Variants in CGNL1 observed in about 807,000 individuals in gnomAD.
The protein encoded by CGNL1 is cingulin-like protein 1.
In CGNL1, 132 loss-of-function variants were observed where a neutral mutation model predicts 141.2. The observed-to-expected ratio is 0.93, with a 90% CI of 0.81 to 1.08. The LOEUF (loss-of-function observed/expected upper bound fraction) is 1.08. Ranked by LOEUF, CGNL1 falls within the 50% of genes least tolerant of loss-of-function variation. The pLI, the probability that CGNL1 is intolerant of heterozygous loss-of-function variation, is 0.00. For synonymous variants in CGNL1, 690 were observed against 622.1 expected (o/e 1.11, Z -1.63); for missense variants, 1,870 against 1,588.6 (o/e 1.18, Z -3.01).
intron 8 of CGNL1, among the ~76,000 whole-genome samples, chr15:57,479,533 G>A (rs565778293): frequency 3.2e-4 from 49 of 152,252 alleles, no homozygotes; most frequent in Middle Eastern, 6.8e-3. Context: ...GCATGGTGGT[G>A]CATGCTTGTA....
At chr15:57,467,345 T>G (rs757383945) in intron 8 of CGNL1, among the ~76,000 whole-genome samples, 1 of 152,050 alleles carries the variant, frequency 6.6e-6, no homozygotes, top group Non-Finnish European at 1.5e-5. Flanking sequence ...GGGGACAGTA[T>G]TTGAGTTGGA....
chr15:57,528,234 G>A (rs1453830476), intron 12 of CGNL1, among the ~76,000 whole-genome samples: 1 of 150,864 alleles, frequency 6.6e-6, no homozygotes, highest in East Asian at 1.9e-4. Flanking sequence ...ACCAGCCTGG[G>A]CAACAAAGCA....
intron 4 of CGNL1, among the ~76,000 whole-genome samples, chr15:57,447,464 G>A (rs1421784750): frequency 6.6e-6 from 1 of 152,132 alleles, no homozygotes; most frequent in Non-Finnish European, 1.5e-5. Context: ...GACCTCAGTT[G>A]GCTCCATTGG....
At chr15:57,498,865 G>A (rs1181754302) in intron 8 of CGNL1, among the ~76,000 whole-genome samples, 1 of 152,104 alleles carries the variant, frequency 6.6e-6, no homozygotes, top group African/African-American at 2.4e-5. Flanking sequence ...AGAAGGATGG[G>A]GTGGGTGAGG....
intron 4 of CGNL1, among the ~76,000 whole-genome samples, chr15:57,447,812 G>A (rs1012613045): frequency 4.4e-4 from 19 of 43,112 alleles, no homozygotes; most frequent in Non-Finnish European, 7.8e-4. Flanking sequence ...TTTCGTGTGT[G>A]TGTGTGTGTG....
intron 1 of CGNL1, among the ~76,000 whole-genome samples, chr15:57,432,271 C>T (rs1380802395): frequency 6.6e-6 from 1 of 152,172 alleles, no homozygotes; most frequent in African/African-American, 2.4e-5. Flanking sequence ...GCATGCAGGT[C>T]CTGGAGGTGC....
At chr15:57,510,150 C>T (rs1405461314) in intron 8 of CGNL1, among the ~76,000 whole-genome samples, 3 of 152,154 alleles carry the variant, frequency 2.0e-5, no homozygotes, top group East Asian at 3.9e-4. Context: ...GAACCACAGC[C>T]GGTAAGCTGT....
At chr15:57,501,703 C>T (rs972728662) in intron 8 of CGNL1, among the ~76,000 whole-genome samples, 1 of 152,102 alleles carries the variant, frequency 6.6e-6, no homozygotes. Context: ...AAGAGGTGAC[C>T]TCTAGGAGCC....
intron 8 of CGNL1, among the ~76,000 whole-genome samples, chr15:57,488,863 A>G (rs1182476024): frequency 6.6e-6 from 1 of 152,172 alleles, no homozygotes; most frequent in Non-Finnish European, 1.5e-5. Context: ...TAATCTACAA[A>G]CAGTATTTTA....
At chr15:57,502,053 A>G (rs1224169900) in intron 8 of CGNL1, among the ~76,000 whole-genome samples, 2 of 152,178 alleles carry the variant, frequency 1.3e-5, no homozygotes, top group African/African-American at 4.8e-5. Context: ...CAGGATGCTG[A>G]TAGGCCCAAC....
intron 1 of CGNL1, among the ~76,000 whole-genome samples, chr15:57,413,637 C>A (rs1182738725): frequency 6.6e-6 from 1 of 152,164 alleles, no homozygotes; most frequent in East Asian, 1.9e-4. Flanking sequence ...TTTCTCTTTT[C>A]TTTTAAAAAA....
At chr15:57,534,780 A>G (rs1232145090) in intron 14 of CGNL1, among the ~76,000 whole-genome samples, 1 of 152,278 alleles carries the variant, frequency 6.6e-6, no homozygotes, top group African/African-American at 2.4e-5. Flanking sequence ...AAGTAATAAC[A>G]TCGGCCCTGC....
At chr15:57,387,219 T>C (rs1209564288) in intron 1 of CGNL1, among the ~76,000 whole-genome samples, 1 of 152,228 alleles carries the variant, frequency 6.6e-6, no homozygotes, top group East Asian at 1.9e-4. Flanking sequence ...CTGGCTTCTT[T>C]CACTTAGCAT....
chr15:57,524,792 CA>C (rs1243782174), intron 12 of CGNL1, 41 bp downstream of exon 12: 1 of 1,594,380 alleles, frequency 6.3e-7, no homozygotes. Context: ...ATCCCTTATT[CA>C]AAGTATCCTT....
In CGNL1 at chr15:57,452,211, A is replaced by G. The variant is rs936172584; in HGVS notation, c.1976A>G (p.Asn659Ser). The G allele has an allele frequency of 1.9e-6, 3 of 1,614,064 alleles. No individual in the cohort carries two copies. In the East Asian group the frequency reaches 6.7e-5, roughly 36 times the overall value. The change falls in exon 6 of 19, where the codon AAC (asparagine) becomes AGC (serine). Residue 659 changes from asparagine to serine, a missense_variant. By Grantham distance (46) the Asn-to-Ser change is conservative. Coordinates refer to ENST00000281282, the MANE Select transcript of CGNL1 (RefSeq NM_032866.5). ...ANLEELRSQH[N>S]EKVEENSTLQ... ...CTAGAAGAGCTCCGAAGCCAACACA[A>G]CGAAAAGGTGGAGGAGAACTCCACA...
At chr15:57,402,954 A>T (rs1195144966) in intron 1 of CGNL1, among the ~76,000 whole-genome samples, 1 of 152,228 alleles carries the variant, frequency 6.6e-6, no homozygotes, top group East Asian at 1.9e-4. Flanking sequence ...CTAACTGCAC[A>T]TATGCGTAAT....
At chr15:57,385,743 C>T (rs1352211071) in intron 1 of CGNL1, among the ~76,000 whole-genome samples, 1 of 152,248 alleles carries the variant, frequency 6.6e-6, no homozygotes. Flanking sequence ...CCCAACCTCC[C>T]CACCCGGGGG....
chr15:57,473,580 G>A (rs2063610067), intron 8 of CGNL1, among the ~76,000 whole-genome samples: 1 of 152,192 alleles, frequency 6.6e-6, no homozygotes, highest in South Asian at 2.1e-4. Flanking sequence ...TTATGGAAAT[G>A]ATGGAGTGTG....
chr15:57,400,199 T>C (rs1178287254), intron 1 of CGNL1, among the ~76,000 whole-genome samples: 1 of 152,078 alleles, frequency 6.6e-6, no homozygotes, highest in Non-Finnish European at 1.5e-5. Flanking sequence ...GGGGTCTTGC[T>C]ATGTTGGCCA....
Sources: allele counts gnomAD v4.1 joint callset (sites outside exome capture counted in the v4.1 genomes callset), GRCh38; gene constraint gnomAD v4.1.1; transcripts MANE v1.5; gene names NCBI Gene and HGNC (gene_info 2026-07-23, HGNC 2026-07-21).